The following L3MBTL3 variants were observed in gnomAD, a reference collection of about 807,000 sequenced individuals.
The protein encoded by L3MBTL3 is L3MBTL histone methyl-lysine binding protein 3.
L3MBTL3 carries 27 observed loss-of-function variants against 102.3 expected under a neutral mutation model. The ratio of observed to expected loss-of-function variants is 0.26; its 90% CI spans 0.19 to 0.36. The LOEUF is 0.36. L3MBTL3 is among the 10% of genes least tolerant of loss of function. The pLI is 1.00. For missense variants in L3MBTL3, 798 were observed against 955.3 expected (o/e 0.84, Z 2.17); for synonymous variants, 340 against 320.9 (o/e 1.06, Z -0.64).
At chr6:130,060,839 C>A (rs1478708822) in intron 10 of L3MBTL3, among the ~76,000 whole-genome samples, 1 of 151,836 alleles carries the variant, frequency 6.6e-6, no homozygotes, top group African/African-American at 2.4e-5. Flanking sequence ...CTCCTTGCTC[C>A]CTCCCTTGAG....
At chr6:130,054,968 C>G (rs980606444) in intron 7 of L3MBTL3, 3 of 515,240 alleles carry the variant, frequency 5.8e-6, no homozygotes, top group Non-Finnish European at 1.1e-5. Flanking sequence ...CAACCGGTAA[C>G]ACGTGGATAC....
intron 2 of L3MBTL3, among the ~76,000 whole-genome samples, chr6:130,024,890 C>T (rs1779243855): frequency 6.6e-6 from 1 of 152,162 alleles, no homozygotes; most frequent in Admixed American, 6.5e-5. Context: ...CTCTTTGGAG[C>T]TGTTGAACCA....
At position 130,140,443 on chromosome 6, in the gene L3MBTL3, AT is replaced by A. The variant is rs1348615894; in HGVS notation, c.*691del. The A allele has an allele frequency of 3.3e-5, 5 of 152,652 alleles. No homozygotes were observed. Among genetic ancestry groups the A allele is most frequent in the Non-Finnish European group, 5.9e-5 (4 of 68,048 alleles). 9.5% of individuals were successfully genotyped at this position (152,652 alleles called of 1,614,324 possible). A position where few individuals can be genotyped will look rare whatever the true frequency, so the allele number is the denominator to read the frequency against. On this transcript the variant is annotated 3_prime_UTR_variant, in exon 23 of 23. Coordinates refer to ENST00000361794, the MANE Select transcript of L3MBTL3 (RefSeq NM_032438.4). ...TTTACTATAATTACCAAAAACATGT[AT>A]ATAAAAGAATGAAATTGAAAAATAA...
intron 20 of L3MBTL3, among the ~76,000 whole-genome samples, chr6:130,122,200 T>C (rs1450224846): frequency 6.6e-6 from 1 of 152,250 alleles, no homozygotes; most frequent in Non-Finnish European, 1.5e-5. Context: ...TAGTTTTGTT[T>C]AGATTACTAT....
intron 14 of L3MBTL3, among the ~76,000 whole-genome samples, chr6:130,079,998 T>C (rs1372179963): frequency 2.0e-5 from 3 of 152,194 alleles, no homozygotes; most frequent in African/African-American, 7.2e-5. Context: ...CTCACGCCTA[T>C]AATCTCAGCA....
intron 6 of L3MBTL3, 80 bp from the exon 7 acceptor site, chr6:130,052,779 A>T: frequency 2.0e-6 from 3 of 1,473,526 alleles, no homozygotes; most frequent in Admixed American, 2.4e-5. Flanking sequence ...TTTTTTAATG[A>T]TTGTTGCATT....
At chr6:130,139,473 T>C (rs995467494) in intron 22 of L3MBTL3, 137 bp from the exon 23 acceptor site, 17 of 733,100 alleles carry the variant, frequency 2.3e-5, no homozygotes, top group Non-Finnish European at 3.2e-5. Context: ...TATCAAGAAA[T>C]GTCATTGCAC....
chr6:130,053,563 A>T (rs1477239499), intron 7 of L3MBTL3, among the ~76,000 whole-genome samples: 3 of 149,530 alleles, frequency 2.0e-5, no homozygotes, highest in Non-Finnish European at 4.4e-5. Context: ...TGAACCTGGG[A>T]GGTGGAGCTT....
chr6:130,104,394 T>C (rs1337926243), intron 18 of L3MBTL3, 32 bp from the exon 19 acceptor site: 1 of 1,455,352 alleles, frequency 6.9e-7, no homozygotes, highest in Admixed American at 2.4e-5. Flanking sequence ...TGTTCAATGT[T>C]CTTTTTTTTT....
chr6:130,041,816 G>T (rs1405629787), intron 2 of L3MBTL3, among the ~76,000 whole-genome samples: 1 of 152,126 alleles, frequency 6.6e-6, no homozygotes, highest in Non-Finnish European at 1.5e-5. Context: ...TCCTGCTATT[G>T]AGCAGAAATC....
chr6:130,078,383 C>CT (rs1340996753), intron 13 of L3MBTL3, among the ~76,000 whole-genome samples, 175 bp from the exon 14 acceptor site: 8 of 152,122 alleles, frequency 5.3e-5, no homozygotes, highest in Non-Finnish European at 1.0e-4. Flanking sequence ...TAAAAATCCA[C>CT]TTGGTATTAA....
intron 9 of L3MBTL3, 26 bp downstream of exon 9, chr6:130,057,523 C>G (rs762367998): frequency 7.5e-5 from 117 of 1,556,774 alleles, no homozygotes; most frequent in Non-Finnish European, 1.0e-4. Flanking sequence ...GAGACGTGAT[C>G]TGTAAGGGCG....
intron 16 of L3MBTL3, among the ~76,000 whole-genome samples, chr6:130,089,121 G>A (rs1272783911): frequency 6.6e-6 from 1 of 151,752 alleles, no homozygotes; most frequent in Non-Finnish European, 1.5e-5. Context: ...CAACGTGCAG[G>A]TTTGTCACAT....
chr6:130,094,249 C>A lies in L3MBTL3; in HGVS notation c.1634-16C>A. ...TAATATTTTGCCCCTTCTTTCTTTT[C>A]TTTGCTCTTTCATAGGCCCCTTAGA... On this transcript the variant is annotated splice_polypyrimidine_tract_variant and intron_variant, in intron 17 of 22. Transcript: ENST00000361794. 2 of 1,593,862 alleles carry A rather than the reference C, an allele frequency of 1.3e-6. No homozygotes were observed. Among genetic ancestry groups the A allele is most frequent in the Non-Finnish European group, 1.7e-6 (2 of 1,165,626 alleles).
intron 19 of L3MBTL3, among the ~76,000 whole-genome samples, chr6:130,114,798 A>G (rs890917257): frequency 3.3e-5 from 5 of 152,132 alleles, no homozygotes; most frequent in African/African-American, 7.2e-5. Context: ...CTTTATTTGA[A>G]TGTTACTCAT....
intron 16 of L3MBTL3, among the ~76,000 whole-genome samples, chr6:130,088,242 C>G (rs1368501575): frequency 2.0e-5 from 3 of 152,032 alleles, no homozygotes; most frequent in Non-Finnish European, 4.4e-5. Flanking sequence ...TGAAGATGAA[C>G]CATGGAACAA....
chr6:130,139,005 A>G (rs1788015934), intron 22 of L3MBTL3, among the ~76,000 whole-genome samples: 1 of 152,168 alleles, frequency 6.6e-6, no homozygotes, highest in South Asian at 2.1e-4. Flanking sequence ...TGCGTATTAG[A>G]AGAACCACCT....
At chr6:130,074,685 C>T (rs1782845561) in intron 13 of L3MBTL3, among the ~76,000 whole-genome samples, 1 of 152,164 alleles carries the variant, frequency 6.6e-6, no homozygotes, top group African/African-American at 2.4e-5. Flanking sequence ...TTTTCATGTA[C>T]CCTTGTCTTT....
intron 9 of L3MBTL3, among the ~76,000 whole-genome samples, chr6:130,059,479 C>T (rs1439726411): frequency 6.6e-6 from 1 of 152,228 alleles, no homozygotes; most frequent in South Asian, 2.1e-4. Context: ...TTTGCACATA[C>T]ATGCATGTAT....
Sources: gnomAD v4.1 joint callset for allele counts (sites outside exome capture counted in the v4.1 genomes callset) on GRCh38, gnomAD v4.1.1 for gene constraint, MANE v1.5 for transcripts, NCBI Gene and HGNC (gene_info 2026-07-23, HGNC 2026-07-21) for gene names.